Variants in GRAP2 observed in about 807,000 individuals in gnomAD.
GRAP2 encodes GRB2-related adapter protein 2.
In GRAP2, 31 loss-of-function variants were observed where a neutral mutation model predicts 43.5. That is an observed-to-expected ratio of 0.71 (90% CI 0.54 to 0.96). The LOEUF (loss-of-function observed/expected upper bound fraction) is 0.96. Ranked by LOEUF, GRAP2 falls within the 40% of genes least tolerant of loss-of-function variation. The pLI, the probability that GRAP2 is intolerant of heterozygous loss-of-function variation, is 0.00. For missense variants in GRAP2, 371 were observed against 424.4 expected (o/e 0.87, Z 1.11); for synonymous variants, 156 against 164.8 (o/e 0.95, Z 0.41).
intron 1 of GRAP2, among the ~76,000 whole-genome samples, chr22:39,910,473 A>G (rs1037632717): frequency 1.3e-5 from 2 of 151,846 alleles, no homozygotes; most frequent in South Asian, 2.1e-4. Flanking sequence ...CAGTGGCGCA[A>G]TCTCGGCTCA....
chr22:39,909,601 C>T (rs537615610), intron 1 of GRAP2, among the ~76,000 whole-genome samples: 2 of 151,994 alleles, frequency 1.3e-5, no homozygotes, highest in African/African-American at 2.4e-5. Context: ...GGTATGCAGA[C>T]GTACTGAGAA....
intron 4 of GRAP2, chr22:39,964,208 T>C (rs1601741072): frequency 3.7e-6 from 2 of 545,472 alleles, no homozygotes; most frequent in Non-Finnish European, 6.4e-6. Context: ...AAACTGGATC[T>C]AATGGTAAAG....
At chr22:39,942,623 C>CA (rs71761183) in intron 1 of GRAP2, among the ~76,000 whole-genome samples, 1,708 of 120,928 alleles carry the variant, frequency 0.014, 22 homozygotes, top group African/African-American at 0.035. Flanking sequence ...CGATCTCTAC[C>CA]AAAAAAAAAA....
intron 1 of GRAP2, among the ~76,000 whole-genome samples, chr22:39,904,884 T>C (rs1039522603): frequency 1.3e-5 from 2 of 152,246 alleles, no homozygotes; most frequent in Non-Finnish European, 2.9e-5. Context: ...TGTTGCCTCA[T>C]GGTTAATTTG....
At chr22:39,896,944 T>A, upstream of GRAP2, among the ~76,000 whole-genome samples, 1 of 152,304 alleles carries the variant, frequency 6.6e-6, no homozygotes, top group African/African-American at 2.4e-5. Flanking sequence ...CATTTCTCCT[T>A]CTCATCTCCT....
intron 1 of GRAP2, among the ~76,000 whole-genome samples, chr22:39,911,435 C>T (rs2066565213): frequency 6.6e-6 from 1 of 151,664 alleles, no homozygotes; most frequent in South Asian, 2.1e-4. Flanking sequence ...TAATACGGGA[C>T]TACAAAGATC....
At chr22:39,919,722 C>T (rs915039022) in intron 1 of GRAP2, among the ~76,000 whole-genome samples, 2 of 152,240 alleles carry the variant, frequency 1.3e-5, no homozygotes, top group African/African-American at 4.8e-5. Flanking sequence ...ATTCTTCTAT[C>T]TCCTTCAATA....
At chr22:39,939,044 T>C (rs796224186) in intron 1 of GRAP2, among the ~76,000 whole-genome samples, 17 of 152,234 alleles carry the variant, frequency 1.1e-4, no homozygotes, top group African/African-American at 4.1e-4. Flanking sequence ...AAAACAAAAA[T>C]GCCCTGTATG....
intron 1 of GRAP2, among the ~76,000 whole-genome samples, chr22:39,919,329 G>A (rs1270978627): frequency 2.0e-5 from 3 of 151,970 alleles, no homozygotes; most frequent in Non-Finnish European, 4.4e-5. Context: ...CCAAGAGAAG[G>A]TAAATACAGG....
upstream of GRAP2, among the ~76,000 whole-genome samples, chr22:39,897,709 G>T (rs2066471541): frequency 6.6e-6 from 1 of 151,686 alleles, no homozygotes; most frequent in African/African-American, 2.4e-5. Flanking sequence ...AGTAGAAATT[G>T]GGTTTCTCCA....
chr22:39,966,290 A>T, intron 5 of GRAP2, 132 bp downstream of exon 5: 2 of 687,688 alleles, frequency 2.9e-6, no homozygotes, highest in Non-Finnish European at 4.9e-6. Context: ...CAGAGCTCTG[A>T]GGTCAGATCT....
chr22:39,952,883 A>G (rs775229131), intron 2 of GRAP2, among the ~76,000 whole-genome samples: 1 of 152,138 alleles, frequency 6.6e-6, no homozygotes, highest in Non-Finnish European at 1.5e-5. Flanking sequence ...TGATCCTCAC[A>G]TCAGCTCTGT....
chr22:39,928,081 T>G (rs1214157433), intron 1 of GRAP2, among the ~76,000 whole-genome samples: 1 of 152,234 alleles, frequency 6.6e-6, no homozygotes, highest in Non-Finnish European at 1.5e-5. Flanking sequence ...CTCCTTCGGC[T>G]GCTCAGAAAT....
chr22:39,910,572 C>A (rs1376300489), intron 1 of GRAP2, among the ~76,000 whole-genome samples: 2 of 152,048 alleles, frequency 1.3e-5, no homozygotes, highest in African/African-American at 4.8e-5. Flanking sequence ...CCACGCCCGG[C>A]TAATTTTTGT....
At chr22:39,964,714 GT>G (rs1405988962) in intron 4 of GRAP2, 2 of 191,772 alleles carry the variant, frequency 1.0e-5, no homozygotes, top group Non-Finnish European at 8.8e-6. Flanking sequence ...ATAAACTTTT[GT>G]AAAAAAAAAA....
chr22:39,927,158 C>T (rs1405134789), intron 1 of GRAP2, among the ~76,000 whole-genome samples: 1 of 152,140 alleles, frequency 6.6e-6, no homozygotes, highest in Admixed American at 6.5e-5. Flanking sequence ...ACGTTGATCA[C>T]GTTTTAATTC....
upstream of GRAP2, among the ~76,000 whole-genome samples, chr22:39,900,260 T>C (rs763173535): frequency 6.6e-6 from 1 of 152,168 alleles, no homozygotes; most frequent in African/African-American, 2.4e-5. Context: ...TCCTTGACAC[T>C]CTCCTCTTGG....
intron 1 of GRAP2, among the ~76,000 whole-genome samples, chr22:39,929,724 T>C (rs2066738661): frequency 6.6e-6 from 1 of 152,230 alleles, no homozygotes; most frequent in East Asian, 1.9e-4. Context: ...ATCATCTATA[T>C]TGGAATAGCA....
At chr22:39,933,100 G>C (rs1012876818) in intron 1 of GRAP2, among the ~76,000 whole-genome samples, 17 of 151,914 alleles carry the variant, frequency 1.1e-4, no homozygotes, top group Non-Finnish European at 4.4e-5. Context: ...CCTGAGTAAA[G>C]CTTTAAAGGA....
Sources: gnomAD v4.1 joint callset for allele counts (sites outside exome capture counted in the v4.1 genomes callset) on GRCh38, gnomAD v4.1.1 for gene constraint, MANE v1.5 for transcripts, NCBI Gene and HGNC (gene_info 2026-07-23, HGNC 2026-07-21) for gene names.